The following HS3ST5 variants were observed in gnomAD, a reference collection of about 807,000 sequenced individuals.
HS3ST5 encodes heparan sulfate-glucosamine 3-sulfotransferase 5, also known as heparan sulfate glucosamine 3-O-sulfotransferase 5.
A neutral mutation model predicts 25.4 loss-of-function variants in HS3ST5; 10 were observed. The observed-to-expected ratio is 0.39, with a 90% CI of 0.24 to 0.67. HS3ST5 has a LOEUF of 0.67. Among genes scored for constraint, HS3ST5 ranks in the 30% least tolerant of loss-of-function variants. The pLI is 0.44. For missense variants in HS3ST5, 324 were observed against 420.7 expected (o/e 0.77, Z 2.01); for synonymous variants, 170 against 162.4 (o/e 1.05, Z -0.36).
intron 1 of HS3ST5, among the ~76,000 whole-genome samples, chr6:114,254,679 G>A (rs1337553468): frequency 6.6e-6 from 1 of 152,146 alleles, no homozygotes; most frequent in African/African-American, 2.4e-5. Context: ...CAATCACGGT[G>A]GAAGGTAAAG....
intron 1 of HS3ST5, chr6:114,340,704 T>C (rs1776792171): frequency 6.6e-6 from 1 of 152,206 alleles, no homozygotes; most frequent in South Asian, 2.1e-4. Flanking sequence ...TATTGCAACA[T>C]AATTGATAGC....
intron 3 of HS3ST5, chr6:114,084,792 T>C: frequency 2.7e-6 from 2 of 742,284 alleles, no homozygotes; most frequent in East Asian, 5.0e-5. Context: ...AACTTAAGCA[T>C]ATTTTCAAAC....
intron 1 of HS3ST5, among the ~76,000 whole-genome samples, chr6:114,236,978 T>C (rs367705445): frequency 1.8e-3 from 269 of 152,366 alleles, no homozygotes; most frequent in African/African-American, 6.3e-3. Context: ...TCTCAGAATG[T>C]TACACTGAAA....
intron 3 of HS3ST5, among the ~76,000 whole-genome samples, chr6:114,165,069 A>T (rs986466093): frequency 2.0e-5 from 3 of 152,116 alleles, no homozygotes; most frequent in Non-Finnish European, 4.4e-5. Context: ...GGATGCTGGG[A>T]TGTACTTTTA....
intron 3 of HS3ST5, among the ~76,000 whole-genome samples, chr6:114,120,205 C>T (rs902683878): frequency 4.6e-5 from 7 of 151,908 alleles, no homozygotes; most frequent in Non-Finnish European, 2.9e-5. Flanking sequence ...AAACAATGAA[C>T]AGACAAGCCC....
At chr6:114,071,339 G>GT (rs1250577854) in intron 3 of HS3ST5, among the ~76,000 whole-genome samples, 1 of 152,154 alleles carries the variant, frequency 6.6e-6, no homozygotes, top group Non-Finnish European at 1.5e-5. Context: ...CCAGGCCTTG[G>GT]TTTAATTCCT....
intron 1 of HS3ST5, among the ~76,000 whole-genome samples, chr6:114,316,669 CA>C (rs1562273937): frequency 6.6e-6 from 1 of 152,010 alleles, no homozygotes; most frequent in South Asian, 2.1e-4. Flanking sequence ...CTTGGGCTAA[CA>C]AAAAAGCATT....
chr6:114,056,588 A>G lies in HS3ST5; in HGVS notation c.*669T>C, dbSNP rs1318704544. The stretch of plus-strand genomic sequence containing the variant: ...GTGAAACCAGTATTTACAACAATAT[A>G]CATTATGTACATGACATTTCTCTCT... On this transcript the variant is annotated 3_prime_UTR_variant, in exon 5 of 5. Transcript: ENST00000312719. 6.6e-6 allele frequency: 1 copy of G among 152,228 alleles called. No individual in the cohort carries two copies. Among genetic ancestry groups the G allele is most frequent in the Non-Finnish European group, 1.5e-5 (1 of 68,048 alleles). The allele number at this position is 152,228 out of a possible 1,614,324, so 9.4% of individuals were successfully genotyped here. A position where few individuals can be genotyped will look rare whatever the true frequency, so the allele number is the denominator to read the frequency against.
intron 1 of HS3ST5, among the ~76,000 whole-genome samples, chr6:114,277,306 G>T (rs1773902846): frequency 6.6e-6 from 1 of 151,056 alleles, no homozygotes; most frequent in Admixed American, 6.6e-5. Context: ...GGTATTGTCT[G>T]CCCATGGTGG....
At chr6:114,125,966 A>T (rs1161768711) in intron 3 of HS3ST5, among the ~76,000 whole-genome samples, 1 of 152,204 alleles carries the variant, frequency 6.6e-6, no homozygotes, top group African/African-American at 2.4e-5. Context: ...GACCGCTCAG[A>T]AAAATACCTA....
At chr6:114,187,412 G>A (rs984391865) in intron 2 of HS3ST5, among the ~76,000 whole-genome samples, 1 of 152,174 alleles carries the variant, frequency 6.6e-6, no homozygotes, top group African/African-American at 2.4e-5. Flanking sequence ...ATGACTTTGA[G>A]GGGTTCAAGA....
At chr6:114,192,638 G>A (rs1185285059) in intron 2 of HS3ST5, among the ~76,000 whole-genome samples, 1 of 152,044 alleles carries the variant, frequency 6.6e-6, no homozygotes, top group Non-Finnish European at 1.5e-5. Flanking sequence ...AATTAAAAAG[G>A]CAAGACCCAG....
At chr6:114,270,839 T>C (rs1245099953) in intron 1 of HS3ST5, among the ~76,000 whole-genome samples, 2 of 152,008 alleles carry the variant, frequency 1.3e-5, no homozygotes, top group Non-Finnish European at 2.9e-5. Context: ...GGATTAGCCA[T>C]ATAAAAAGCA....
chr6:114,061,138 T>A (rs970394142), intron 4 of HS3ST5, among the ~76,000 whole-genome samples: 2 of 152,074 alleles, frequency 1.3e-5, no homozygotes, highest in Non-Finnish European at 2.9e-5. Context: ...GTTAAAAAAA[T>A]GAAAAGAATC....
intron 1 of HS3ST5, among the ~76,000 whole-genome samples, chr6:114,243,868 T>G (rs1444290357): frequency 6.6e-6 from 1 of 152,232 alleles, no homozygotes; most frequent in African/African-American, 2.4e-5. Context: ...CCCCCTATGC[T>G]GTCCCCAATA....
At chr6:114,290,587 C>G (rs1354584961) in intron 1 of HS3ST5, among the ~76,000 whole-genome samples, 1 of 152,188 alleles carries the variant, frequency 6.6e-6, no homozygotes, top group South Asian at 2.1e-4. Context: ...CTGTTCCTCA[C>G]CAGCCTTGTC....
intron 1 of HS3ST5, chr6:114,340,627 T>C (rs891628098): frequency 2.0e-5 from 3 of 152,212 alleles, no homozygotes; most frequent in African/African-American, 7.2e-5. Flanking sequence ...TAAGTAGTAT[T>C]GTTTTCATTT....
At chr6:114,225,362 C>T (rs1013028114) in intron 2 of HS3ST5, among the ~76,000 whole-genome samples, 3 of 151,874 alleles carry the variant, frequency 2.0e-5, no homozygotes, top group Non-Finnish European at 4.4e-5. Flanking sequence ...CAAGTCATTG[C>T]ATCTTCCCTA....
At chr6:114,218,394 GAAC>G (rs1781871307) in intron 2 of HS3ST5, among the ~76,000 whole-genome samples, 4 of 152,182 alleles carry the variant, frequency 2.6e-5, no homozygotes, top group Admixed American at 2.6e-4. Flanking sequence ...TTTGTTACCT[GAAC>G]AACTAAGCAG....
Sources: gnomAD v4.1 joint callset for allele counts (sites outside exome capture counted in the v4.1 genomes callset) on GRCh38, gnomAD v4.1.1 for gene constraint, MANE v1.5 for transcripts, NCBI Gene and HGNC (gene_info 2026-07-23, HGNC 2026-07-21) for gene names.